Variants in GRM3 observed in about 807,000 individuals in gnomAD.
GRM3 encodes glutamate metabotropic receptor 3, also known as metabotropic glutamate receptor 3.
In GRM3, 26 loss-of-function variants were observed where a neutral mutation model predicts 70.5. The observed-to-expected ratio is 0.37, with a 90% confidence interval of 0.27 to 0.51. GRM3 has a LOEUF of 0.51. Among genes scored for constraint, GRM3 ranks in the 20% least tolerant of loss-of-function variants. GRM3 has a pLI of 0.93. For missense variants in GRM3, 859 were observed against 1,123.8 expected (o/e 0.76, Z 3.37); for synonymous variants, 443 against 434.9 (o/e 1.02, Z -0.23).
At chr7:86,837,535 A>G (rs1030473346) in intron 3 of GRM3, among the ~76,000 whole-genome samples, 1 of 152,226 alleles carries the variant, frequency 6.6e-6, no homozygotes, top group Non-Finnish European at 1.5e-5. Context: ...GCCTCTTTTA[A>G]GGTTGAGTGT....
intron 5 of GRM3, among the ~76,000 whole-genome samples, chr7:86,863,478 C>T (rs1353130926): frequency 6.6e-6 from 1 of 152,132 alleles, no homozygotes; most frequent in Non-Finnish European, 1.5e-5. Context: ...AGGGCCACAC[C>T]ATAACACTGT....
intron 1 of GRM3, among the ~76,000 whole-genome samples, chr7:86,695,043 A>G (rs1794783505): frequency 6.6e-6 from 1 of 152,214 alleles, no homozygotes; most frequent in Admixed American, 6.5e-5. Flanking sequence ...TCAGGCCCTT[A>G]AAAGTAGTCA....
At chr7:86,698,449 C>CA (rs1304646293) in intron 1 of GRM3, among the ~76,000 whole-genome samples, 1 of 151,094 alleles carries the variant, frequency 6.6e-6, no homozygotes. Context: ...CCCCCCACCA[C>CA]AAATAGAAAT....
chr7:86,756,319 T>A (rs1231063415), intron 1 of GRM3, among the ~76,000 whole-genome samples: 1 of 152,122 alleles, frequency 6.6e-6, no homozygotes, highest in African/African-American at 2.4e-5. Flanking sequence ...CCTCAAGTGA[T>A]CCACCCACCT....
At chr7:86,718,174 C>T (rs1362051093) in intron 1 of GRM3, among the ~76,000 whole-genome samples, 1 of 151,716 alleles carries the variant, frequency 6.6e-6, no homozygotes, top group Non-Finnish European at 1.5e-5. Flanking sequence ...TTACATACTT[C>T]AGCTTGGCTG....
intron 2 of GRM3, among the ~76,000 whole-genome samples, chr7:86,768,370 C>T (rs934657005): frequency 1.3e-5 from 2 of 152,170 alleles, no homozygotes; most frequent in Non-Finnish European, 2.9e-5. Context: ...GGTTAATCAG[C>T]AAGTCAGTCT....
intron 1 of GRM3, among the ~76,000 whole-genome samples, chr7:86,684,771 A>T (rs1480010945): frequency 6.6e-6 from 1 of 152,206 alleles, no homozygotes; most frequent in Non-Finnish European, 1.5e-5. Flanking sequence ...GTTAATTAAG[A>T]TTTCACTGAA....
At chr7:86,793,519 C>T (rs1562866294) in intron 3 of GRM3, among the ~76,000 whole-genome samples, 1 of 152,224 alleles carries the variant, frequency 6.6e-6, no homozygotes. Flanking sequence ...TGATCAAAAG[C>T]ATTTCCAAAA....
chr7:86,808,228 C>T, intron 3 of GRM3, among the ~76,000 whole-genome samples: 1 of 152,044 alleles, frequency 6.6e-6, no homozygotes, highest in Non-Finnish European at 1.5e-5. Flanking sequence ...GTGTCTCTGC[C>T]AGGCATTGGT....
chr7:86,776,602 A>G (rs999806538), intron 2 of GRM3, among the ~76,000 whole-genome samples: 2 of 152,152 alleles, frequency 1.3e-5, no homozygotes, highest in Non-Finnish European at 2.9e-5. Flanking sequence ...TTGGTTAACA[A>G]CTGACAAAGA....
chr7:86,707,148 T>C (rs1422338706), intron 1 of GRM3, among the ~76,000 whole-genome samples: 2 of 152,142 alleles, frequency 1.3e-5, no homozygotes, highest in African/African-American at 4.8e-5. Context: ...ACATCTTGAA[T>C]TTTCCAGACC....
At chr7:86,858,394 G>T (rs1221181870) in intron 5 of GRM3, among the ~76,000 whole-genome samples, 1 of 152,148 alleles carries the variant, frequency 6.6e-6, no homozygotes, top group Non-Finnish European at 1.5e-5. Context: ...GATTGGAGGT[G>T]GTGTCTTTGG....
chr7:86,697,570 A>G (rs550572945), intron 1 of GRM3, among the ~76,000 whole-genome samples: 1 of 152,260 alleles, frequency 6.6e-6, no homozygotes, highest in East Asian at 1.9e-4. Context: ...CAATTTTCCT[A>G]AAAGTGTAAG....
intron 1 of GRM3, among the ~76,000 whole-genome samples, chr7:86,654,790 T>C (rs1793693503): frequency 6.6e-6 from 1 of 152,228 alleles, no homozygotes; most frequent in Non-Finnish European, 1.5e-5. Flanking sequence ...AATTACTTAT[T>C]CATCAGAAAT....
intron 3 of GRM3, among the ~76,000 whole-genome samples, chr7:86,827,940 G>A (rs952525420): frequency 3.3e-5 from 5 of 151,904 alleles, no homozygotes; most frequent in African/African-American, 1.2e-4. Flanking sequence ...GTGAAACCCT[G>A]TCTCTACTAA....
At chr7:86,691,664 T>G (rs1794699388) in intron 1 of GRM3, among the ~76,000 whole-genome samples, 1 of 152,206 alleles carries the variant, frequency 6.6e-6, no homozygotes, top group African/African-American at 2.4e-5. Context: ...GGATTAATAA[T>G]GCCTTTACCA....
intron 2 of GRM3, among the ~76,000 whole-genome samples, chr7:86,767,331 A>T (rs1796623227): frequency 6.6e-6 from 1 of 151,694 alleles, no homozygotes; most frequent in Non-Finnish European, 1.5e-5. Context: ...TTCAGATTAC[A>T]CCATCATGTT....
At chr7:86,701,509 G>C (rs1205407649) in intron 1 of GRM3, among the ~76,000 whole-genome samples, 3 of 151,802 alleles carry the variant, frequency 2.0e-5, no homozygotes, top group African/African-American at 7.3e-5. Flanking sequence ...TGCTAAAACT[G>C]TTTCTCCCTT....
At chr7:86,766,154 C>T (rs1005741590) in intron 2 of GRM3, among the ~76,000 whole-genome samples, 3 of 152,060 alleles carry the variant, frequency 2.0e-5, no homozygotes, top group African/African-American at 7.2e-5. Flanking sequence ...GTATGCCCTG[C>T]CCACAGGACA....
Sources: allele counts gnomAD v4.1 joint callset (sites outside exome capture counted in the v4.1 genomes callset), GRCh38; gene constraint gnomAD v4.1.1; transcripts MANE v1.5; gene names NCBI Gene and HGNC (gene_info 2026-07-23, HGNC 2026-07-21).